Variants in SLC31A2 observed in about 807,000 individuals in gnomAD.
SLC31A2 encodes solute carrier family 31 member 2.
Under a neutral mutation model 14.4 loss-of-function variants are expected in SLC31A2, and 16 were observed. That is an observed-to-expected ratio of 1.11 (90% CI 0.75 to 1.69). The LOEUF (loss-of-function observed/expected upper bound fraction) is 1.69, where lower values mean the gene tolerates loss of function less well. Ranked by LOEUF, SLC31A2 falls within the 40% of genes most tolerant of loss-of-function variation. The probability of loss-of-function intolerance (pLI) is 0.00; values close to 1 mark genes in which losing one functional copy is unlikely to be tolerated. For synonymous variants in SLC31A2, 56 were observed against 68.7 expected, an observed-to-expected ratio of 0.82 and a Z score of 0.91; for missense variants, 140 against 173.9, an observed-to-expected ratio of 0.81 and a Z score of 1.10.
chr9:113,155,896 T>TAA, intron 1 of SLC31A2: 1 of 337,214 alleles, frequency 3.0e-6, no homozygotes, highest in South Asian at 2.3e-5. Flanking sequence ...AGGCCCTGGT[T>TAA]AACAAATGTG....
At chr9:113,156,456 TA>T (rs1464387403) in intron 1 of SLC31A2, among the ~76,000 whole-genome samples, 3 of 152,178 alleles carry the variant, frequency 2.0e-5, no homozygotes, top group Non-Finnish European at 4.4e-5. Context: ...AGAAAGATTT[TA>T]ATTGGCTGGT....
chr9:113,154,916 G>A (rs532241454), intron 1 of SLC31A2, among the ~76,000 whole-genome samples: 7 of 152,166 alleles, frequency 4.6e-5, no homozygotes, highest in Non-Finnish European at 1.0e-4. Context: ...CCAGCTATTG[G>A]CTGAACATCC....
In SLC31A2 at chr9:113,151,039, C is replaced by T. The variant is rs1314035297; in HGVS notation, c.-36C>T. 1 of 1,301,566 alleles carries T rather than the reference C, an allele frequency of 7.7e-7. No individual in the cohort carries two copies. The highest frequency in any genetic ancestry group is 9.8e-7 in the Non-Finnish European group (1 of 1,019,118). The allele number at this position is 1,301,566 out of a possible 1,614,324, so 80.6% of individuals were successfully genotyped here. On this transcript the variant is annotated 5_prime_UTR_variant, in exon 1 of 4. Transcript: ENST00000259392. This position sits in a 1 kb window ranked among gnomAD's most constrained non-coding sequence, Gnocchi z 4.2. ...CTCGGAGCGAGGAGACCCGAGCGAG[C>T]AGACGCGGCCCTGGCGCCCGCCCTG...
rs184651982 is a variant in SLC31A2, at chr9:113,151,311, G to A, written c.6+231G>A. Among the ~76,000 whole-genome samples, 10 of 152,286 alleles carry A rather than the reference G, an allele frequency of 6.6e-5. No individual in the cohort carries two copies. Among genetic ancestry groups the A allele is most frequent in the Admixed American group, 4.6e-4 (7 of 15,306 alleles). Reference sequence around the variant, plus strand: ...CTCCTGCTGGGAGGCAGTCCGGCTAGGCGAGCAGTTACCGAGCGCCCGCGG... The same window carrying A: ...CTCCTGCTGGGAGGCAGTCCGGCTAAGCGAGCAGTTACCGAGCGCCCGCGG... On this transcript the variant is annotated intron_variant, in intron 1 of 3. Transcript: ENST00000259392. This position sits in a 1 kb window ranked among gnomAD's most constrained non-coding sequence, Gnocchi z 4.2.
At chr9:113,156,543 T>C (rs1829936368) in intron 1 of SLC31A2, among the ~76,000 whole-genome samples, 1 of 152,198 alleles carries the variant, frequency 6.6e-6, no homozygotes, top group South Asian at 2.1e-4. Context: ...ATTCAAGGAT[T>C]CTAATATTTG....
At chr9:113,160,417 A>T (rs1432813081) in intron 2 of SLC31A2, among the ~76,000 whole-genome samples, 1 of 152,198 alleles carries the variant, frequency 6.6e-6, no homozygotes. Context: ...TGATATTTTG[A>T]TACCTATATA....
At chr9:113,155,923 G>A (rs1829928152) in intron 1 of SLC31A2, 1 of 399,088 alleles carries the variant, frequency 2.5e-6, no homozygotes, top group Non-Finnish European at 5.1e-6. Context: ...TCCAAATCCT[G>A]GACTCAGACT....
intron 1 of SLC31A2, among the ~76,000 whole-genome samples, chr9:113,154,906 C>T (rs1254469563): frequency 6.6e-6 from 1 of 152,210 alleles, no homozygotes; most frequent in African/African-American, 2.4e-5. Context: ...GAAATATGGG[C>T]CAGCTATTGG....
chr9:113,159,561 A>T (rs1044864302), intron 2 of SLC31A2, among the ~76,000 whole-genome samples: 3 of 152,146 alleles, frequency 2.0e-5, no homozygotes, highest in African/African-American at 7.2e-5. Context: ...TGGGAAAAAA[A>T]ACCCAACTTT....
chr9:113,152,684 C>T (rs1204479679), intron 1 of SLC31A2, among the ~76,000 whole-genome samples: 2 of 152,210 alleles, frequency 1.3e-5, no homozygotes, highest in Admixed American at 1.3e-4. Flanking sequence ...CAGGTAGCTC[C>T]CTAAGGGCCA....
At chr9:113,156,173 G>A (rs1430483746) in intron 1 of SLC31A2, 1 of 516,598 alleles carries the variant, frequency 1.9e-6, no homozygotes, top group Non-Finnish European at 3.9e-6. Context: ...CTCCTTTTCT[G>A]TAAGAACTGA....
chr9:113,156,765 G>A (rs1829938893), intron 1 of SLC31A2, among the ~76,000 whole-genome samples: 2 of 152,186 alleles, frequency 1.3e-5, no homozygotes, highest in Non-Finnish European at 2.9e-5. Flanking sequence ...TAAGCCTGGT[G>A]TGGGCGTCTG....
Position 113,162,861 on chromosome 9 carries a change from G to T in SLC31A2, c.376G>T (p.Val126Phe). Reference protein sequence around the residue: ...SYNTWIFLGVVLGSAVGYYLA... With the variant: ...SYNTWIFLGVFLGSAVGYYLA... Reference sequence around the variant, plus strand: ...CAACACCTGGATTTTCCTTGGTGTGGTCTTGGGCTCTGCTGTGGGCTACTA... The same window carrying T: ...CAACACCTGGATTTTCCTTGGTGTGTTCTTGGGCTCTGCTGTGGGCTACTA... Residue 126 changes from valine (V) to phenylalanine (F), a missense_variant, in exon 4 of 4, where the codon GTC (valine) becomes TTC (phenylalanine). By Grantham distance (50) the Val-to-Phe change is conservative (BLOSUM62 -1). Transcript: ENST00000259392. The T allele has an allele frequency of 6.2e-7, 1 of 1,613,548 alleles. No homozygotes were observed. Among genetic ancestry groups the T allele is most frequent in the East Asian group, 2.2e-5 (1 of 44,852 alleles).
chr9:113,155,048 G>A (rs1296943011), intron 1 of SLC31A2, among the ~76,000 whole-genome samples: 4 of 152,150 alleles, frequency 2.6e-5, no homozygotes, highest in Non-Finnish European at 5.9e-5. Flanking sequence ...TCTGCTGTTT[G>A]CATATCTTCC....
chr9:113,155,760 C>A (rs1829924749), intron 1 of SLC31A2, among the ~76,000 whole-genome samples: 1 of 132,354 alleles, frequency 7.6e-6, no homozygotes, highest in Non-Finnish European at 1.6e-5. Context: ...AAACACCCCT[C>A]CAGCTTTGAC....
Position 113,157,710 on chromosome 9 carries a change from A to T in SLC31A2, c.7-17A>T. 2 of 1,606,148 alleles carry T rather than the reference A, an allele frequency of 1.2e-6. No homozygotes were observed. Among genetic ancestry groups the T allele is most frequent in the African/African-American group, 1.3e-5 (1 of 74,926 alleles). The stretch of plus-strand genomic sequence containing the variant: ...ACTGCCCTGTGCCCCTATGATGCAG[A>T]TTCCTTTCTCTTTCAGATGCATTTC... On this transcript the variant is annotated splice_polypyrimidine_tract_variant and intron_variant, in intron 1 of 3. Coordinates refer to ENST00000259392, the MANE Select transcript of SLC31A2 (RefSeq NM_001860.3).
In SLC31A2 at chr9:113,151,315, A is replaced by C. The variant is rs1455982940; in HGVS notation, c.6+235A>C. On this transcript the variant is annotated intron_variant, in intron 1 of 3. Transcript: ENST00000259392. The surrounding 1 kb of genome is among the most constrained non-coding windows in gnomAD (Gnocchi z 4.2). ...TGCTGGGAGGCAGTCCGGCTAGGCG[A>C]GCAGTTACCGAGCGCCCGCGGTGGC... is the stretch of plus-strand genomic sequence containing the variant. Among the ~76,000 whole-genome samples, 1 of 151,746 alleles carries C rather than the reference A, an allele frequency of 6.6e-6. No individual in the cohort carries two copies. The highest frequency in any genetic ancestry group is 6.5e-5 in the Admixed American group (1 of 15,268).
intron 2 of SLC31A2, among the ~76,000 whole-genome samples, chr9:113,159,482 C>T (rs1465632307): frequency 6.6e-6 from 1 of 152,094 alleles, no homozygotes; most frequent in Non-Finnish European, 1.5e-5. Context: ...TCACCATGTA[C>T]ATGAAATTAC....
intron 3 of SLC31A2, 108 bp from the exon 4 acceptor site, chr9:113,162,641 A>T (rs1201400438): frequency 3.9e-6 from 4 of 1,029,872 alleles, no homozygotes. Flanking sequence ...CAAGTTATAA[A>T]TCAATCGGGT....
Sources: allele counts gnomAD v4.1 joint callset (sites outside exome capture counted in the v4.1 genomes callset), GRCh38; gene constraint gnomAD v4.1.1; non-coding constraint Gnocchi (gnomAD v3.1); transcripts MANE v1.5; gene names NCBI Gene and HGNC (gene_info 2026-07-23, HGNC 2026-07-21).